The following SYNE1 variants were observed in gnomAD, a reference collection of about 807,000 sequenced individuals.
SYNE1 encodes nesprin-1.
Under a neutral mutation model 1,111.0 loss-of-function variants are expected in SYNE1, and 616 were observed. The observed-to-expected ratio is 0.55, with a 90% CI of 0.52 to 0.59. SYNE1 has a LOEUF of 0.59. SYNE1 is among the 20% of genes least tolerant of loss of function. The probability of loss-of-function intolerance (pLI) is 0.00; values close to 1 mark genes in which losing one functional copy is unlikely to be tolerated. For missense variants in SYNE1, 10,006 were observed against 10,417.0 expected, an observed-to-expected ratio of 0.96 and a Z score of 1.72; for synonymous variants, 3,855 against 3,825.8, an observed-to-expected ratio of 1.01 and a Z score of -0.28.
chr6:152,314,495 T>A (rs892349894), intron 87 of SYNE1, among the ~76,000 whole-genome samples: 1 of 152,146 alleles, frequency 6.6e-6, no homozygotes, highest in South Asian at 2.1e-4. Flanking sequence ...CACACTCCTG[T>A]GGGCTCCTTC....
rs1290979613 is a variant in SYNE1, at chr6:152,133,659, C to T, written c.25789-171G>A. On this transcript the variant is annotated intron_variant, in intron 142 of 145. Transcript: ENST00000367255. ...GCTCACGGCCTGAGTTCTAATCCTG[C>T]CTCTGCCAAAAATATTCTATAAGAC... is the stretch of plus-strand genomic sequence containing the variant. 10 of 664,754 alleles carry T rather than the reference C, an allele frequency of 1.5e-5. No individual in the cohort carries two copies. In the African/African-American group the frequency reaches 1.6e-4, roughly 11 times the overall value. The allele number at this position is 664,754 out of a possible 1,614,324, so 41.2% of individuals were successfully genotyped here.
In SYNE1 at chr6:152,330,499, G is replaced by T. The variant is rs749275993; in HGVS notation, c.14186C>A (p.Ala4729Glu). The T allele has an allele frequency of 5.6e-6, 9 of 1,613,994 alleles. No homozygotes were observed. The highest frequency in any genetic ancestry group is 7.6e-6 in the Non-Finnish European group (9 of 1,180,000). Residue 4729 changes from alanine (A) to glutamate (E), a missense_variant, in exon 78 of 146, where the codon GCG becomes GAG. Ala to Glu is a moderately radical substitution (Grantham distance 107, BLOSUM62 -1). Coordinates refer to ENST00000367255, the MANE Select transcript of SYNE1 (RefSeq NM_182961.4). ...TTTTTTCTGGTTCAGTTCATCCACC[G>T]CCTCCCCAAGGCCCGCCACCTCGTC... ...ILDEVAGLGEAVDELNQKKEG... is the reference protein window; with the variant it reads ...ILDEVAGLGEEVDELNQKKEG...
Position 152,433,941 on chromosome 6 carries a change from T to C in SYNE1, c.4315A>G (p.Lys1439Glu). Reference sequence around the variant, plus strand: ...TTGGTTTTCACCATTTCCATGGTTTTAATACTAAAATTAACCAAATTAAGT... The same window carrying C: ...TTGGTTTTCACCATTTCCATGGTTTCAATACTAAAATTAACCAAATTAAGT... Reference protein sequence around the residue: ...KLEDTLEEDIKTMEMVKTKWD... With the variant: ...KLEDTLEEDIETMEMVKTKWD... Residue 1439 changes from lysine to glutamate, a missense_variant, in exon 34 of 146, where the codon AAA becomes GAA. Physicochemically the swap from Lys to Glu is moderately conservative, Grantham distance 56. Coordinates refer to ENST00000367255, the MANE Select transcript of SYNE1 (RefSeq NM_182961.4). 6.2e-7 allele frequency: 1 copy of C among 1,612,462 alleles called. No homozygotes were observed. Among genetic ancestry groups the C allele is most frequent in the Non-Finnish European group, 8.5e-7 (1 of 1,178,984 alleles).
At chr6:152,241,536 C>A (rs376773092) in intron 107 of SYNE1, among the ~76,000 whole-genome samples, 1 of 7,804 alleles carries the variant, frequency 1.3e-4, no homozygotes, top group Non-Finnish European at 2.7e-4. Context: ...GTGTGAAATA[C>A]GCATTCTTCT....
At position 152,355,026 on chromosome 6, in the gene SYNE1, C is replaced by T. The variant is rs117279563; in HGVS notation, c.10609-50G>A. The T allele has an allele frequency of 3.8e-4, 606 of 1,599,692 alleles. 13 individuals carry two copies. The East Asian group carries it at 0.013, about 35-fold the overall frequency. On this transcript the variant is annotated intron_variant, in intron 66 of 145. Coordinates refer to ENST00000367255, the MANE Select transcript of SYNE1 (RefSeq NM_182961.4). ...CACTCTCAATCATATTTCACACTTG[C>T]ATGGGTTAGCATGTCTTGCCCAAGC...
intron 93 of SYNE1, among the ~76,000 whole-genome samples, chr6:152,298,422 C>T (rs1038355116): frequency 1.3e-5 from 2 of 152,166 alleles, no homozygotes; most frequent in African/African-American, 2.4e-5. Context: ...TCTAGGAATG[C>T]CTCGGTATTT....
At chr6:152,510,063 G>A (rs911925439) in intron 8 of SYNE1, 130 bp downstream of exon 8, 16 of 939,020 alleles carry the variant, frequency 1.7e-5, no homozygotes, top group Admixed American at 3.6e-5. Context: ...AGGCAAGAGT[G>A]AAATAAGCGC....
Position 152,483,208 on chromosome 6 carries a change from T to A in SYNE1, c.1227A>T (p.Ala409=), listed in dbSNP as rs775857013. 6.2e-7 allele frequency: 1 copy of A among 1,614,146 alleles called. No homozygotes were observed. Among genetic ancestry groups the A allele is most frequent in the Non-Finnish European group, 8.5e-7 (1 of 1,180,006 alleles). The change falls in exon 14 of 146, where the codon GCA becomes GCT. Residue 409 remains alanine (A), a synonymous_variant. Coordinates refer to ENST00000367255, the MANE Select transcript of SYNE1 (RefSeq NM_182961.4). ...WHIQLDKSLP[A]PLGTIGAWLY... ...GCCAGGCACCTATGGTGCCCAGAGG[T>A]GCAGGAAGAGATTTATCAAGCTGTA...
At chr6:152,514,948 G>A (rs144666288) in intron 6 of SYNE1, among the ~76,000 whole-genome samples, 96 of 152,288 alleles carry the variant, frequency 6.3e-4, no homozygotes, top group South Asian at 1.2e-3. Flanking sequence ...GAGACCAGGC[G>A]TGGTGGCTCA....
At chr6:152,165,304 A>G (rs1299378624) in intron 130 of SYNE1, among the ~76,000 whole-genome samples, 1 of 152,184 alleles carries the variant, frequency 6.6e-6, no homozygotes. Context: ...TAAAATTGTT[A>G]TCATCACTTC....
intron 90 of SYNE1, among the ~76,000 whole-genome samples, chr6:152,308,907 G>A (rs2153833503): frequency 6.6e-6 from 1 of 152,308 alleles, no homozygotes; most frequent in South Asian, 2.1e-4. Flanking sequence ...TCCTGAAGAT[G>A]GAACATGACG....
At chr6:152,304,569 C>T (rs553103650) in intron 91 of SYNE1, among the ~76,000 whole-genome samples, 12 of 152,214 alleles carry the variant, frequency 7.9e-5, no homozygotes, top group African/African-American at 2.9e-4. Flanking sequence ...AGTGATTTGC[C>T]TGCCTTGGCC....
At chr6:152,395,991 G>A (rs920521281) in intron 50 of SYNE1, among the ~76,000 whole-genome samples, 31 of 151,980 alleles carry the variant, frequency 2.0e-4, no homozygotes, top group Admixed American at 1.9e-3. Flanking sequence ...GTCTTACTAC[G>A]AAGACCCCTG....
At chr6:152,223,543 G>A (rs967598199) in intron 117 of SYNE1, among the ~76,000 whole-genome samples, 20 of 152,188 alleles carry the variant, frequency 1.3e-4, no homozygotes, top group East Asian at 5.8e-4. Context: ...GCTTAAACCC[G>A]GGAGGCGGAG....
chr6:152,559,682 A>C (rs1338281935), intron 3 of SYNE1, among the ~76,000 whole-genome samples: 1 of 152,166 alleles, frequency 6.6e-6, no homozygotes, highest in Admixed American at 6.5e-5. Flanking sequence ...TTTTTAAAAA[A>C]AGAAAGATTT....
chr6:152,464,953 C>A, intron 18 of SYNE1: 1 of 421,430 alleles, frequency 2.4e-6, no homozygotes, highest in Non-Finnish European at 4.4e-6. Context: ...TTGTTTTCAT[C>A]CTCTCTTAAA....
At chr6:152,385,502 A>G (rs2097512642) in intron 55 of SYNE1, among the ~76,000 whole-genome samples, 172 bp downstream of exon 55, 1 of 152,230 alleles carries the variant, frequency 6.6e-6, no homozygotes, top group South Asian at 2.1e-4. Flanking sequence ...ATAAGTGTAA[A>G]GTCTTTTGAA....
chr6:152,442,416 C>T (rs1395287697), intron 30 of SYNE1, among the ~76,000 whole-genome samples, 171 bp from the exon 31 acceptor site: 3 of 152,072 alleles, frequency 2.0e-5, no homozygotes, highest in South Asian at 2.1e-4. Context: ...CAAAGATGAA[C>T]ATTATTTATA....
intron 14 of SYNE1, among the ~76,000 whole-genome samples, chr6:152,476,341 A>C (rs1199892839): frequency 6.6e-6 from 1 of 152,154 alleles, no homozygotes; most frequent in Non-Finnish European, 1.5e-5. Flanking sequence ...ACAGCCCCCA[A>C]ATCATAGTGT....
Sources: allele counts gnomAD v4.1 joint callset (sites outside exome capture counted in the v4.1 genomes callset), GRCh38; gene constraint gnomAD v4.1.1; transcripts MANE v1.5; gene names NCBI Gene and HGNC (gene_info 2026-07-23, HGNC 2026-07-21).